Variants in KATNIP observed in about 807,000 individuals in gnomAD.
KATNIP encodes the protein katanin interacting protein, also known as katanin-interacting protein.
Under a neutral mutation model 174.0 loss-of-function variants are expected in KATNIP, and 126 were observed. That is an observed-to-expected ratio of 0.72 (90% CI 0.63 to 0.84). The LOEUF (loss-of-function observed/expected upper bound fraction) is 0.84, where lower values mean the gene tolerates loss of function less well. Ranked by LOEUF, KATNIP falls within the 40% of genes least tolerant of loss-of-function variation. The pLI is 0.00. For missense variants in KATNIP, 1,958 were observed against 2,109.7 expected (o/e 0.93, Z 1.41); for synonymous variants, 810 against 835.7 (o/e 0.97, Z 0.53).
intron 11 of KATNIP, among the ~76,000 whole-genome samples, chr16:27,702,711 C>T (rs2142993542): frequency 6.6e-6 from 1 of 152,306 alleles, no homozygotes; most frequent in African/African-American, 2.4e-5. Flanking sequence ...GTGTGCCCTC[C>T]AGGTCTGTGT....
intron 13 of KATNIP, among the ~76,000 whole-genome samples, chr16:27,712,234 G>T (rs1057504558): frequency 4.6e-5 from 7 of 152,150 alleles, no homozygotes; most frequent in African/African-American, 1.7e-4. Context: ...GTCACCCTGG[G>T]CTGCTGGGTC....
rs60005285 is a variant in KATNIP, at chr16:27,713,809, CATATATATATAT to C, written c.1605+4926_1605+4937del. Among the ~76,000 whole-genome samples, 286 of 33,352 alleles carry C rather than the reference CATATATATATAT, an allele frequency of 8.6e-3. 3 individuals are homozygous for C. The highest frequency in any genetic ancestry group is 0.026 in the East Asian group (23 of 880). 21.9% of individuals were successfully genotyped at this position (33,352 alleles called of 152,430 possible). ...ATATATGTGTGTGTGTGTGTATATA[CATATATATATAT>C]ATATATATATATATATATATATATA... On this transcript the variant is annotated intron_variant, in intron 13 of 27. Coordinates refer to ENST00000261588, the MANE Select transcript of KATNIP (RefSeq NM_015202.5).
At chr16:27,714,764 T>C (rs190293270) in intron 13 of KATNIP, among the ~76,000 whole-genome samples, 2 of 152,294 alleles carry the variant, frequency 1.3e-5, no homozygotes, top group Admixed American at 1.3e-4. Flanking sequence ...TACAAAATGT[T>C]TACTCTGAAA....
At chr16:27,733,425 C>G (rs2080769198) in intron 14 of KATNIP, among the ~76,000 whole-genome samples, 1 of 152,164 alleles carries the variant, frequency 6.6e-6, no homozygotes, top group South Asian at 2.1e-4. Context: ...TTCCCATTAA[C>G]TACAAACCAG....
chr16:27,737,446 G>A (rs1471379482), intron 14 of KATNIP, among the ~76,000 whole-genome samples: 1 of 152,156 alleles, frequency 6.6e-6, no homozygotes. Flanking sequence ...TAGATATCCA[G>A]GAAGAGAGGC....
chr16:27,712,492 G>A (rs2079618293), intron 13 of KATNIP, among the ~76,000 whole-genome samples: 1 of 152,166 alleles, frequency 6.6e-6, no homozygotes, highest in South Asian at 2.1e-4. Context: ...ACTTGCCCCA[G>A]GCCATGCGCA....
At chr16:27,623,741 G>C (rs2076257866) in intron 3 of KATNIP, among the ~76,000 whole-genome samples, 1 of 152,238 alleles carries the variant, frequency 6.6e-6, no homozygotes, top group Non-Finnish European at 1.5e-5. Flanking sequence ...CAGGCGACCT[G>C]AGATGACCGA....
intron 6 of KATNIP, among the ~76,000 whole-genome samples, chr16:27,653,919 C>T (rs1167168722): frequency 2.6e-5 from 4 of 152,112 alleles, no homozygotes; most frequent in Non-Finnish European, 4.4e-5. Context: ...ATCCTCCTGC[C>T]TCAGCCTCCC....
intron 2 of KATNIP, among the ~76,000 whole-genome samples, chr16:27,592,623 C>T (rs1449967354): frequency 6.6e-6 from 1 of 152,072 alleles, no homozygotes; most frequent in Non-Finnish European, 1.5e-5. Context: ...GTCTCAAACA[C>T]ACACACACAC....
intron 1 of KATNIP, among the ~76,000 whole-genome samples, chr16:27,570,669 C>CTTGG (rs1214754324): frequency 2.0e-5 from 3 of 152,124 alleles, no homozygotes; most frequent in Admixed American, 6.6e-5. Context: ...GGGTGGCCAT[C>CTTGG]TTGGGTCCCA....
At chr16:27,702,037 C>A (rs1401888321) in intron 11 of KATNIP, among the ~76,000 whole-genome samples, 1 of 152,198 alleles carries the variant, frequency 6.6e-6, no homozygotes, top group Non-Finnish European at 1.5e-5. Context: ...AGCAGTCCAC[C>A]CACCTCGGCC....
At chr16:27,588,112 G>A (rs1025271506) in intron 2 of KATNIP, among the ~76,000 whole-genome samples, 1 of 151,688 alleles carries the variant, frequency 6.6e-6, no homozygotes, top group Admixed American at 6.6e-5. Context: ...GGCTGGTCTT[G>A]AACTCCTGAA....
rs567885619 is a variant in KATNIP at position 27,666,521 on chromosome 16, G to A, written c.541-11208G>A. Among the ~76,000 whole-genome samples, 7 of 152,192 alleles carry A rather than the reference G, an allele frequency of 4.6e-5. No individual in the cohort carries two copies. The South Asian group carries it at 1.0e-3, about 23-fold the overall frequency. ...CAACTTCTGCCTCCCGGGTTCAAGC[G>A]ATTCTCCTGCCTCAGCCTCCTGAGT... On this transcript the variant is annotated intron_variant, in intron 6 of 27. Transcript: ENST00000261588.
chr16:27,742,858 T>A (rs968284025), intron 15 of KATNIP, among the ~76,000 whole-genome samples: 47 of 152,164 alleles, frequency 3.1e-4, no homozygotes, highest in African/African-American at 1.1e-3. Context: ...TTTCTTTAAC[T>A]TTTATTTTGG....
chr16:27,737,384 T>TA (rs1030142987), intron 14 of KATNIP, among the ~76,000 whole-genome samples: 23 of 148,212 alleles, frequency 1.6e-4, no homozygotes, highest in South Asian at 2.1e-4. Context: ...CCTTGTCTCT[T>TA]AAAAAAAAAA....
intron 19 of KATNIP, among the ~76,000 whole-genome samples, chr16:27,762,149 A>G (rs2144044009): frequency 6.6e-6 from 1 of 152,238 alleles, no homozygotes; most frequent in Middle Eastern, 3.4e-3. Context: ...CAGCCCACAG[A>G]CCAGCACTCA....
At position 27,749,716 on chromosome 16, in the gene KATNIP, T is replaced by A. The variant is rs751130943; in HGVS notation, c.2756T>A (p.Leu919His). 1.1e-5 allele frequency: 18 copies of A among 1,613,290 alleles called. No individual in the cohort carries two copies. In the South Asian group the frequency reaches 1.4e-4, roughly 13 times the overall value. ...SHRGRISNTE[L>H]PGDILDELLQ... ...CGGGGACGCATCTCCAACACGGAGC[T>A]CCCGGGGGACATCCTGGATGAGCTC... The change falls in exon 16 of 28, where the codon CTC becomes CAC. Residue 919 changes from leucine (L) to histidine (H), a missense_variant. By Grantham distance (99) the Leu-to-His change is moderately conservative. Around this residue, in one of 3 missense-constraint regions of KATNIP, gnomAD observed 1,557 missense variants for 1,617.8 expected, o/e 0.96. Coordinates refer to ENST00000261588, the MANE Select transcript of KATNIP (RefSeq NM_015202.5).
At chr16:27,651,483 T>C (rs1021100581) in intron 6 of KATNIP, among the ~76,000 whole-genome samples, 2 of 151,906 alleles carry the variant, frequency 1.3e-5, no homozygotes, top group African/African-American at 4.8e-5. Flanking sequence ...TCACACTGTT[T>C]GCAAGCGCAA....
chr16:27,684,848 A>G (rs1054130393), intron 8 of KATNIP, among the ~76,000 whole-genome samples: 3 of 152,142 alleles, frequency 2.0e-5, no homozygotes, highest in Non-Finnish European at 4.4e-5. Context: ...TGCCCAACCT[A>G]ATGACTTCAT....
Sources: gnomAD v4.1 joint callset for allele counts (sites outside exome capture counted in the v4.1 genomes callset) on GRCh38, gnomAD v4.1.1 for gene constraint, gnomAD v4.1.1 regional missense constraint, MANE v1.5 for transcripts, NCBI Gene and HGNC (gene_info 2026-07-23, HGNC 2026-07-21) for gene names.